Variants in CFAP57 observed in about 807,000 individuals in gnomAD.
CFAP57 encodes the protein cilia and flagella associated protein 57.
In CFAP57, 116 loss-of-function variants were observed where a neutral mutation model predicts 146.8. The ratio of observed to expected loss-of-function variants is 0.79; its 90% CI spans 0.68 to 0.92. The LOEUF (loss-of-function observed/expected upper bound fraction) is 0.92. Among genes scored for constraint, CFAP57 ranks in the 40% least tolerant of loss-of-function variants. CFAP57 has a pLI of 0.00. For missense variants in CFAP57, 1,377 were observed against 1,527.2 expected (o/e 0.90, Z 1.64); for synonymous variants, 518 against 552.8 (o/e 0.94, Z 0.88).
chr1:43,174,141 A>G (rs1358975404), intron 2 of CFAP57, among the ~76,000 whole-genome samples: 1 of 152,150 alleles, frequency 6.6e-6, no homozygotes, highest in Non-Finnish European at 1.5e-5. Flanking sequence ...TACATGCACA[A>G]TTTATATATT....
At position 43,198,561 on chromosome 1, in the gene CFAP57, G is replaced by A; in HGVS notation, c.1343G>A (p.Gly448Glu). The A allele has an allele frequency of 6.2e-7, 1 of 1,613,974 alleles. No homozygotes were observed. The highest frequency in any genetic ancestry group is 8.5e-7 in the Non-Finnish European group (1 of 1,179,972). ...LHPSGHFIVV[G>E]FADKLRLMNL... ...CCATCTGGACACTTCATTGTAGTAG[G>A]GTTTGCTGACAAACTACGCCTCATG... is the stretch of plus-strand genomic sequence containing the variant. Residue 448 changes from glycine (G) to glutamate (E), a missense_variant, in exon 8 of 23, where the codon GGG (glycine) becomes GAG (glutamate). Transcript: ENST00000372492.
chr1:43,198,695 C>G, intron 8 of CFAP57, 49 bp downstream of exon 8: 1 of 1,600,080 alleles, frequency 6.2e-7, no homozygotes, highest in East Asian at 2.2e-5. Context: ...TAGAAAGCCA[C>G]GGCTGAAATA....
At chr1:43,227,723 G>T (rs932863384) in intron 18 of CFAP57, among the ~76,000 whole-genome samples, 1 of 152,120 alleles carries the variant, frequency 6.6e-6, no homozygotes, top group East Asian at 1.9e-4. Context: ...CCCACCACAC[G>T]CCACCTTTCC....
rs202054525 is a variant in CFAP57, at chr1:43,206,708, CCT to C, written c.1543-8_1543-7del. ...GTACACTCTTCACTGGATATGTCTTCCTCTCCTGCAGATTCGCTCAATTGTGT... is the reference window on the plus strand; with the variant it reads ...GTACACTCTTCACTGGATATGTCTTCCTCCTGCAGATTCGCTCAATTGTGT... On this transcript the variant is annotated splice_polypyrimidine_tract_variant and intron_variant, in intron 9 of 22. Coordinates refer to ENST00000372492, the MANE Select transcript of CFAP57 (RefSeq NM_001378189.1). 3,192 of 1,613,880 alleles carry C rather than the reference CCT, an allele frequency of 2.0e-3. 86 individuals carry two copies. The Admixed American group carries it at 0.048, about 25-fold the overall frequency.
Position 43,181,732 on chromosome 1 carries a change from C to T in CFAP57, c.356C>T (p.Ser119Phe), listed in dbSNP as rs2124271864. 1 of 1,614,174 alleles carries T rather than the reference C, an allele frequency of 6.2e-7. No individual in the cohort carries two copies. The highest frequency in any genetic ancestry group is 1.1e-5 in the South Asian group (1 of 91,086). The change falls in exon 3 of 23, where the codon TCC becomes TTC. Residue 119 changes from serine to phenylalanine, a missense_variant. Physicochemically the swap from Ser to Phe is radical, Grantham distance 155. Coordinates refer to ENST00000372492, the MANE Select transcript of CFAP57 (RefSeq NM_001378189.1). ...KFISMAFSPD[S>F]KYLLAQTSPP... ...ATTAGCATGGCTTTTTCTCCAGACT[C>T]CAAATACCTATTGGCTCAGACGTCA...
At chr1:43,215,118 C>A in intron 11 of CFAP57, 137 bp from the exon 12 acceptor site, 1 of 949,328 alleles carries the variant, frequency 1.1e-6, no homozygotes, top group Non-Finnish European at 1.6e-6. Flanking sequence ...CTCTCTCATT[C>A]TTACCTGGGA....
intron 22 of CFAP57, among the ~76,000 whole-genome samples, chr1:43,244,777 C>T (rs979554451): frequency 3.8e-4 from 58 of 152,244 alleles, no homozygotes; most frequent in Admixed American, 2.0e-4. Context: ...GTGGCGCGGG[C>T]CTGTAGTCCC....
chr1:43,231,359 A>C (rs1315960040), intron 18 of CFAP57, among the ~76,000 whole-genome samples: 1 of 152,058 alleles, frequency 6.6e-6, no homozygotes, highest in Non-Finnish European at 1.5e-5. Flanking sequence ...CCGTGAAAAA[A>C]TCCAGTGAAT....
In CFAP57 at chr1:43,215,386, G is replaced by T. The variant is rs772562687; in HGVS notation, c.2061G>T (p.Val687=). 8.4e-6 allele frequency: 13 copies of T among 1,550,902 alleles called. No homozygotes were observed. Among genetic ancestry groups the T allele is most frequent in the Non-Finnish European group, 1.1e-5 (13 of 1,147,046 alleles). ...REREVGFAEE[V]LVTKTDMEEK... is the part of the protein sequence containing the mutation. ...GGGAGGTGGGCTTTGCCGAAGAGGT[G>T]CTTGTGACTAAAACAGACATGGAAG... Residue 687 remains valine, a synonymous_variant, in exon 12 of 23, where the codon GTG becomes GTT. Coordinates refer to ENST00000372492, the MANE Select transcript of CFAP57 (RefSeq NM_001378189.1).
chr1:43,237,720 G>A (rs900718634), intron 21 of CFAP57, among the ~76,000 whole-genome samples: 1 of 152,186 alleles, frequency 6.6e-6, no homozygotes, highest in Non-Finnish European at 1.5e-5. Flanking sequence ...TGAGGTGCTT[G>A]GAGACCCAAG....
intron 12 of CFAP57, among the ~76,000 whole-genome samples, chr1:43,216,312 G>A (rs1290868682): frequency 1.3e-5 from 2 of 152,160 alleles, no homozygotes; most frequent in Non-Finnish European, 2.9e-5. Context: ...CACAAAGCAC[G>A]GTGACAAGCC....
intron 6 of CFAP57, among the ~76,000 whole-genome samples, chr1:43,190,156 T>C (rs55678312): frequency 0.036 from 5,513 of 152,286 alleles, 234 homozygotes; most frequent in African/African-American, 0.097. Context: ...CTGTTACTTA[T>C]TTTCCTTGCC....
At chr1:43,236,030 G>A (rs1432678981) in intron 21 of CFAP57, among the ~76,000 whole-genome samples, 1 of 151,596 alleles carries the variant, frequency 6.6e-6, no homozygotes, top group Non-Finnish European at 1.5e-5. Flanking sequence ...GCTTCCCTAT[G>A]CCCCGGAGGG....
At chr1:43,181,333 A>G (rs1645397528) in intron 2 of CFAP57, among the ~76,000 whole-genome samples, 1 of 152,120 alleles carries the variant, frequency 6.6e-6, no homozygotes, top group Non-Finnish European at 1.5e-5. Flanking sequence ...CGGCCCCCTG[A>G]AGTGCCGGGA....
rs761048869 is a variant in CFAP57, at chr1:43,185,327, G to T, written c.940G>T (p.Asp314Tyr). The change falls in exon 5 of 23, where the codon GAT (aspartate) becomes TAT (tyrosine). Residue 314 changes from aspartate (D) to tyrosine (Y), a missense_variant. Transcript: ENST00000372492. ...VLLFEKMEEK[D>Y]FYRESREIRI... The stretch of plus-strand genomic sequence containing the variant: ...GCTGTTTGAGAAGATGGAAGAAAAG[G>T]ATTTTTACCGTGAGAGCAGAGAAAT... 5.0e-6 allele frequency: 8 copies of T among 1,613,886 alleles called. No individual in the cohort carries two copies. The highest frequency in any genetic ancestry group is 5.1e-6 in the Non-Finnish European group (6 of 1,180,010).
chr1:43,242,428 A>AT (rs1645961564), intron 21 of CFAP57, among the ~76,000 whole-genome samples: 1 of 151,556 alleles, frequency 6.6e-6, no homozygotes, highest in Admixed American at 6.6e-5. Context: ...GGTACTCAAT[A>AT]AACATTTATT....
chr1:43,253,920 A>G, intron 22 of CFAP57, 57 bp from the exon 23 acceptor site: 1 of 1,455,882 alleles, frequency 6.9e-7, no homozygotes, highest in South Asian at 1.2e-5. Flanking sequence ...GGAGGGGAGG[A>G]TCGGCTCTGC....
In CFAP57 at chr1:43,204,575, T is replaced by G. The variant is rs544939091; in HGVS notation, c.1543-2145T>G. ...TCTGTAAAGTCTGTTTCCCCTGTAGTGAGCAGTGTCTCATATCACTACTCA... is the reference window on the plus strand; with the variant it reads ...TCTGTAAAGTCTGTTTCCCCTGTAGGGAGCAGTGTCTCATATCACTACTCA... On this transcript the variant is annotated intron_variant, in intron 9 of 22. Transcript: ENST00000372492. Among the ~76,000 whole-genome samples the G allele has an allele frequency of 5.9e-5, 9 of 152,328 alleles. No individual in the cohort carries two copies. The South Asian group carries it at 1.4e-3, about 25-fold the overall frequency.
At chr1:43,216,224 TG>T (rs1173380164) in intron 12 of CFAP57, among the ~76,000 whole-genome samples, 1 of 152,132 alleles carries the variant, frequency 6.6e-6, no homozygotes, top group Non-Finnish European at 1.5e-5. Context: ...TTGTGGGCCC[TG>T]TGACATGACC....
Sources: allele counts gnomAD v4.1 joint callset (sites outside exome capture counted in the v4.1 genomes callset), GRCh38; gene constraint gnomAD v4.1.1; transcripts MANE v1.5; gene names NCBI Gene and HGNC (gene_info 2026-07-23, HGNC 2026-07-21).